The following MAP1LC3B variants were observed in gnomAD, a reference collection of about 807,000 sequenced individuals.
MAP1LC3B encodes the protein microtubule-associated protein 1 light chain 3 beta.
In MAP1LC3B, 12 loss-of-function variants were observed where a neutral mutation model predicts 16.7. The observed-to-expected ratio is 0.72, with a 90% confidence interval of 0.46 to 1.16. The LOEUF is 1.16. MAP1LC3B is among the 50% of genes most tolerant of loss of function. MAP1LC3B has a pLI of 0.00. For missense variants in MAP1LC3B, 155 were observed against 159.5 expected (o/e 0.97, Z 0.15); for synonymous variants, 63 against 56.5 (o/e 1.11, Z -0.51).
intron 1 of MAP1LC3B, among the ~76,000 whole-genome samples, chr16:87,393,520 A>T (rs781355416): frequency 6.6e-6 from 1 of 152,136 alleles, no homozygotes; most frequent in South Asian, 2.1e-4. Flanking sequence ...GGTCTCATTG[A>T]CCATTATTTT....
Position 87,392,410 on chromosome 16 carries a change from C to T in MAP1LC3B, c.-18C>T, listed in dbSNP as rs749330245. 2 of 1,426,968 alleles carry T rather than the reference C, an allele frequency of 1.4e-6. No homozygotes were observed. Among genetic ancestry groups the T allele is most frequent in the Admixed American group, 3.2e-5 (1 of 31,520 alleles). 88.4% of individuals were successfully genotyped at this position (1,426,968 alleles called of 1,614,324 possible). A position where few individuals can be genotyped will look rare whatever the true frequency, so the allele number is the denominator to read the frequency against. ...ACCCTCGCGTCGTCGCCGCCGCCGCCGCCCAGATCCCTGCACCATGCCGTC... is the reference window on the plus strand; with the variant it reads ...ACCCTCGCGTCGTCGCCGCCGCCGCTGCCCAGATCCCTGCACCATGCCGTC... On this transcript the variant is annotated 5_prime_UTR_variant, in exon 1 of 4. Transcript: ENST00000268607.
At chr16:87,398,766 G>T in intron 1 of MAP1LC3B, 49 bp from the exon 2 acceptor site, 1 of 1,564,250 alleles carries the variant, frequency 6.4e-7, no homozygotes, top group Non-Finnish European at 8.8e-7. Context: ...GTGCTGGGAA[G>T]AAGCTGCCTG....
chr16:87,398,091 C>A (rs1338331181), intron 1 of MAP1LC3B, among the ~76,000 whole-genome samples: 2 of 151,176 alleles, frequency 1.3e-5, no homozygotes, highest in Non-Finnish European at 2.9e-5. Flanking sequence ...GGTGCAATGT[C>A]CGCTCACTGC....
Position 87,403,762 on chromosome 16 carries a change from CAT to C in MAP1LC3B, c.*667_*668del, listed in dbSNP as rs1370734498. 1.3e-5 allele frequency: 2 copies of C among 152,246 alleles called. No individual in the cohort carries two copies. The highest frequency in any genetic ancestry group is 2.9e-5 in the Non-Finnish European group (2 of 68,052). The allele number at this position is 152,246 out of a possible 1,614,324, so 9.4% of individuals were successfully genotyped here. On this transcript the variant is annotated 3_prime_UTR_variant, in exon 4 of 4. Coordinates refer to ENST00000268607, the MANE Select transcript of MAP1LC3B (RefSeq NM_022818.5). Reference sequence around the variant, plus strand: ...GGTTTGTTCTCTAGATAGTTACACACATAAAGACACCACTCAAAAGGAAACTT... The same window carrying C: ...GGTTTGTTCTCTAGATAGTTACACACAAAGACACCACTCAAAAGGAAACTT...
chr16:87,396,645 A>G (rs1341988877), intron 1 of MAP1LC3B: 1 of 152,094 alleles, frequency 6.6e-6, no homozygotes, highest in African/African-American at 2.4e-5. Flanking sequence ...CACTGACACA[A>G]TGGACGTTTT....
At chr16:87,402,333 T>C (rs749613302) in intron 3 of MAP1LC3B, 52 bp downstream of exon 3, 7 of 1,518,704 alleles carry the variant, frequency 4.6e-6, no homozygotes, top group Non-Finnish European at 6.3e-6. Context: ...AACTTCTTAT[T>C]CTTTATGAAA....
chr16:87,399,067 G>GCGAT, intron 2 of MAP1LC3B, 197 bp downstream of exon 2: 1 of 571,990 alleles, frequency 1.7e-6, no homozygotes, highest in Non-Finnish European at 3.1e-6. Flanking sequence ...GTGCAGTGGT[G>GCGAT]CGATCGTAGC....
In MAP1LC3B at chr16:87,402,280, A is replaced by C; in HGVS notation, c.202A>C (p.Arg68=). ...CATGAGTGAGCTCATCAAGATAATT[A>C]GGTATTCAGTCACCTTTGTTTCATA... ...VNMSELIKII[R]RRLQLNANQA... The change falls in exon 3 of 4, where the codon AGA becomes CGA. Residue 68 remains arginine (R), a splice_region_variant and synonymous_variant. Transcript: ENST00000268607. 1 of 1,613,056 alleles carries C rather than the reference A, an allele frequency of 6.2e-7. No individual in the cohort carries two copies. Among genetic ancestry groups the C allele is most frequent in the Non-Finnish European group, 8.5e-7 (1 of 1,179,256 alleles).
chr16:87,402,965 G>A lies in MAP1LC3B; in HGVS notation c.246G>A (p.Leu82=). ...QLNANQAFFL[L]VNGHSMVSVS... ...ATGCTAATCAGGCCTTCTTCCTGTT[G>A]GTGAACGGACACAGCATGGTCAGCG... Residue 82 remains leucine (L), a synonymous_variant, in exon 4 of 4, where the codon TTG becomes TTA. Transcript: ENST00000268607. 6.2e-7 allele frequency: 1 copy of A among 1,613,956 alleles called. No individual in the cohort carries two copies.
intron 1 of MAP1LC3B, chr16:87,392,843 T>G (rs972025202): frequency 3.4e-4 from 51 of 151,822 alleles, no homozygotes; most frequent in African/African-American, 1.1e-3. Flanking sequence ...GCAAGCGCGC[T>G]GCGGGCGAGG....
At position 87,403,151 on chromosome 16, in the gene MAP1LC3B, A is replaced by G. The variant is rs1430079860; in HGVS notation, c.*54A>G. 1 of 1,556,944 alleles carries G rather than the reference A, an allele frequency of 6.4e-7. No homozygotes were observed. The highest frequency in any genetic ancestry group is 1.4e-5 in the African/African-American group (1 of 72,796). On this transcript the variant is annotated 3_prime_UTR_variant, in exon 4 of 4. Coordinates refer to ENST00000268607, the MANE Select transcript of MAP1LC3B (RefSeq NM_022818.5). ...TTGTTTAAACCCTTACCAAGGAAAA[A>G]AAAGGGATGTTACCAACTGAGATCG...
In MAP1LC3B at chr16:87,398,889, C is replaced by T. The variant is rs200762986; in HGVS notation, c.96+19C>T. On this transcript the variant is annotated intron_variant, in intron 2 of 3. Transcript: ENST00000268607. ...AATCCCGGTAGGTAGTCTCAGGCCT[C>T]GGTTTCAGTCATGAATGTACGCAGA... 9.3e-6 allele frequency: 15 copies of T among 1,611,138 alleles called. No individual in the cohort carries two copies. The highest frequency in any genetic ancestry group is 6.7e-5 in the East Asian group (3 of 44,880).
At position 87,403,871 on chromosome 16, in the gene MAP1LC3B, G is replaced by C. The variant is rs1014019116; in HGVS notation, c.*774G>C. On this transcript the variant is annotated 3_prime_UTR_variant, in exon 4 of 4. Transcript: ENST00000268607. The stretch of plus-strand genomic sequence containing the variant: ...TTCTTCTGTTTCAGGTTTTGTCTGA[G>C]TTCAAACTAGTGCCTGTGTTGTTAC... 6.6e-6 allele frequency: 1 copy of C among 152,156 alleles called. No individual in the cohort carries two copies. Among genetic ancestry groups the C allele is most frequent in the African/African-American group, 2.4e-5 (1 of 41,424 alleles). The allele number at this position is 152,156 out of a possible 1,614,324, so 9.4% of individuals were successfully genotyped here. A position where few individuals can be genotyped will look rare whatever the true frequency, so the allele number is the denominator to read the frequency against.
At chr16:87,398,289 A>G (rs1351143488) in intron 1 of MAP1LC3B, among the ~76,000 whole-genome samples, 5 of 152,182 alleles carry the variant, frequency 3.3e-5, no homozygotes, top group Admixed American at 1.3e-4. Flanking sequence ...CAGCCTCCCA[A>G]GGTGCTGGGA....
rs1014050029 is a variant in MAP1LC3B at position 87,403,733 on chromosome 16, G to C, written c.*636G>C. On this transcript the variant is annotated 3_prime_UTR_variant, in exon 4 of 4. Coordinates refer to ENST00000268607, the MANE Select transcript of MAP1LC3B (RefSeq NM_022818.5). Reference sequence around the variant, plus strand: ...ACTCTTGCAGGGGTAGACATTTCTGGTTTGGTTTGTTCTCTAGATAGTTAC... The same window carrying C: ...ACTCTTGCAGGGGTAGACATTTCTGCTTTGGTTTGTTCTCTAGATAGTTAC... 4 of 152,260 alleles carry C rather than the reference G, an allele frequency of 2.6e-5. No individual in the cohort carries two copies. The highest frequency in any genetic ancestry group is 9.6e-5 in the African/African-American group (4 of 41,456). 9.4% of individuals were successfully genotyped at this position (152,260 alleles called of 1,614,324 possible). A position where few individuals can be genotyped will look rare whatever the true frequency, so the allele number is the denominator to read the frequency against.
intron 1 of MAP1LC3B, chr16:87,393,425 A>C (rs1907680314): frequency 6.6e-6 from 1 of 152,222 alleles, no homozygotes; most frequent in South Asian, 2.1e-4. Flanking sequence ...GAGCCCACAC[A>C]GTGGTGCTGT....
chr16:87,395,181 C>T (rs1041879524), intron 1 of MAP1LC3B, among the ~76,000 whole-genome samples: 7 of 152,208 alleles, frequency 4.6e-5, no homozygotes, highest in Admixed American at 3.3e-4. Flanking sequence ...AAATAGGACA[C>T]CTTAGGCTCC....
chr16:87,402,187 C>T lies in MAP1LC3B; in HGVS notation c.109C>T (p.Arg37Ter), dbSNP rs770128807. 7 of 1,613,818 alleles carry T rather than the reference C, an allele frequency of 4.3e-6. No homozygotes were observed. Among genetic ancestry groups the T allele is most frequent in the South Asian group, 1.1e-5 (1 of 91,078 alleles). Residue 37 changes from arginine to a stop codon, truncating the protein, a stop_gained, in exon 3 of 4, where the codon CGA becomes TGA. Coordinates refer to ENST00000268607, the MANE Select transcript of MAP1LC3B (RefSeq NM_022818.5). LOFTEE classifies it high-confidence loss of function. Reference protein sequence around the residue: ...HPTKIPVIIERYKGEKQLPVL... With the variant: ...HPTKIPVIIE Reference sequence around the variant, plus strand: ...GCTTCTTTTCCAGGTGATAATAGAACGATACAAGGGTGAGAAGCAGCTTCC... The same window carrying T: ...GCTTCTTTTCCAGGTGATAATAGAATGATACAAGGGTGAGAAGCAGCTTCC...
intron 1 of MAP1LC3B, chr16:87,393,036 GC>G: frequency 6.6e-6 from 1 of 152,406 alleles, no homozygotes; most frequent in Non-Finnish European, 1.5e-5. Flanking sequence ...AATGTGCTGG[GC>G]CCCGGCCTCG....
Sources: gnomAD v4.1 joint callset for allele counts (sites outside exome capture counted in the v4.1 genomes callset) on GRCh38, gnomAD v4.1.1 for gene constraint, MANE v1.5 for transcripts, NCBI Gene and HGNC (gene_info 2026-07-23, HGNC 2026-07-21) for gene names.